Variants in PSTPIP1 observed in about 807,000 individuals in gnomAD.
PSTPIP1 encodes the protein proline-serine-threonine phosphatase-interacting protein 1.
A neutral mutation model predicts 69.6 loss-of-function variants in PSTPIP1; 66 were observed. The observed-to-expected ratio is 0.95, with a 90% CI of 0.78 to 1.16. The LOEUF (loss-of-function observed/expected upper bound fraction) is 1.16. PSTPIP1 is among the 50% of genes most tolerant of loss of function. The pLI, the probability that PSTPIP1 is intolerant of heterozygous loss-of-function variation, is 0.00. For missense variants in PSTPIP1, 603 were observed against 557.4 expected (o/e 1.08, Z -0.82); for synonymous variants, 266 against 222.7 (o/e 1.19, Z -1.73).
At chr15:77,025,229 C>T (rs995118641) in intron 3 of PSTPIP1, 55 bp from the exon 4 acceptor site, 9 of 1,549,068 alleles carry the variant, frequency 5.8e-6, no homozygotes, top group African/African-American at 2.7e-5. Context: ...GCAGCCTGGA[C>T]TGTAGGTTCC....
chr15:77,008,376 G>A (rs546185050), intron 1 of PSTPIP1, among the ~76,000 whole-genome samples: 6 of 152,232 alleles, frequency 3.9e-5, no homozygotes, highest in African/African-American at 1.4e-4. Context: ...AGTCCTCAAG[G>A]GAAGGAGCTT....
rs762386952 is a variant in PSTPIP1 at position 77,035,800 on chromosome 15, A to G, written c.986-2A>G. 3.1e-6 allele frequency: 5 copies of G among 1,605,336 alleles called. No homozygotes were observed. The Admixed American group carries it at 5.0e-5, about 16-fold the overall frequency. The stretch of plus-strand genomic sequence containing the variant: ...GGGGTCTATGTCTCACCCTGCTCTT[A>G]GCGTCCACAGAGACCCTGACCCCCA... On this transcript the variant is annotated splice_acceptor_variant, in intron 13 of 14. Coordinates refer to ENST00000558012, the MANE Select transcript of PSTPIP1 (RefSeq NM_003978.5). LOFTEE classifies it high-confidence loss of function.
chr15:76,998,844 G>A (rs2075637390), intron 1 of PSTPIP1, among the ~76,000 whole-genome samples: 3 of 152,162 alleles, frequency 2.0e-5, no homozygotes, highest in South Asian at 2.1e-4. Context: ...TCAGATGCAC[G>A]CTGCTGTAGG....
chr15:77,036,769 C>T (rs764170867), intron 14 of PSTPIP1, among the ~76,000 whole-genome samples: 7 of 152,112 alleles, frequency 4.6e-5, no homozygotes, highest in African/African-American at 1.4e-4. Context: ...GCACCCGTGA[C>T]CCCTGACATG....
At position 77,032,311 on chromosome 15, in the gene PSTPIP1, T is replaced by C. The variant is rs970904080; in HGVS notation, c.755T>C (p.Val252Ala). The C allele has an allele frequency of 3.1e-6, 5 of 1,612,398 alleles. No homozygotes were observed. Among genetic ancestry groups the C allele is most frequent in the African/African-American group, 2.7e-5 (2 of 74,918 alleles). ...TTCCTGCCCCAGCTCTACGAGGAAG[T>C]GCGGCTGACGCTGGAAGGCTGCAGC... ...CVKDDELYEE[V>A]RLTLEGCSID... Residue 252 changes from valine (V) to alanine (A), a missense_variant, in exon 11 of 15, where the codon GTG becomes GCG. By Grantham distance (64) the Val-to-Ala change is moderately conservative (BLOSUM62 0). Coordinates refer to ENST00000558012, the MANE Select transcript of PSTPIP1 (RefSeq NM_003978.5).
At chr15:77,020,989 G>T (rs2076149199) in intron 3 of PSTPIP1, among the ~76,000 whole-genome samples, 1 of 152,124 alleles carries the variant, frequency 6.6e-6, no homozygotes, top group South Asian at 2.1e-4. Flanking sequence ...CCTCCCTGAG[G>T]CCCACAGCTG....
intron 1 of PSTPIP1, among the ~76,000 whole-genome samples, chr15:77,012,560 T>G (rs1411333226): frequency 6.6e-6 from 1 of 152,156 alleles, no homozygotes; most frequent in African/African-American, 2.4e-5. Flanking sequence ...AAGTTGTACC[T>G]GAGTGTTTGG....
chr15:77,008,474 G>A (rs915141468), intron 1 of PSTPIP1, among the ~76,000 whole-genome samples: 3 of 152,026 alleles, frequency 2.0e-5, no homozygotes, highest in Non-Finnish European at 2.9e-5. Context: ...CAGTGGCACC[G>A]TGTCGGCTCA....
intron 1 of PSTPIP1, among the ~76,000 whole-genome samples, chr15:77,017,137 C>A (rs1008600574): frequency 1.3e-5 from 2 of 152,180 alleles, no homozygotes; most frequent in Admixed American, 6.5e-5. Flanking sequence ...AGTAAGCCTG[C>A]GTGCAGTGCC....
chr15:77,014,618 G>A (rs756923227), intron 1 of PSTPIP1, among the ~76,000 whole-genome samples: 6 of 152,230 alleles, frequency 3.9e-5, no homozygotes, highest in East Asian at 1.9e-4. Flanking sequence ...CTGTGGTCTC[G>A]CCCCTGCAGC....
chr15:76,994,802 T>C (rs899879477), upstream of PSTPIP1: 43 of 1,288,988 alleles, frequency 3.3e-5, no homozygotes, highest in Admixed American at 9.6e-4. Context: ...GAATGACAGA[T>C]GCCCTAGACC....
rs371715620 is a variant in PSTPIP1 at position 77,032,411 on chromosome 15, G to C, written c.838+17G>C. On this transcript the variant is annotated intron_variant, in intron 11 of 14. Transcript: ENST00000558012. ...AGCCCCCCGGTGAGGTCCGGCTTGCGGACAGCGCAGCCTCTAGGTGCATTG... is the reference window on the plus strand; with the variant it reads ...AGCCCCCCGGTGAGGTCCGGCTTGCCGACAGCGCAGCCTCTAGGTGCATTG... The C allele has an allele frequency of 1.9e-6, 3 of 1,611,550 alleles. No homozygotes were observed. The South Asian group carries it at 3.3e-5, about 18-fold the overall frequency.
chr15:77,029,600 G>A (rs756356579), intron 8 of PSTPIP1, 26 bp downstream of exon 8: 6 of 1,559,602 alleles, frequency 3.8e-6, no homozygotes, highest in South Asian at 1.2e-5. Context: ...TGCCCCGTCC[G>A]ACCAGGGCGG....
upstream of PSTPIP1, chr15:76,995,113 G>A: frequency 8.5e-7 from 1 of 1,177,146 alleles, no homozygotes; most frequent in Non-Finnish European, 1.1e-6. Flanking sequence ...GCCTGCCCCG[G>A]GGGAGGTTGC....
At chr15:77,012,743 T>C (rs1178526922) in intron 1 of PSTPIP1, among the ~76,000 whole-genome samples, 1 of 152,322 alleles carries the variant, frequency 6.6e-6, no homozygotes, top group Middle Eastern at 3.4e-3. Flanking sequence ...CAGAGGACTG[T>C]TGTAAGAAGT....
intron 3 of PSTPIP1, among the ~76,000 whole-genome samples, chr15:77,020,495 C>A (rs1390406932): frequency 2.6e-5 from 4 of 152,190 alleles, no homozygotes; most frequent in Admixed American, 6.5e-5. Flanking sequence ...TGAGGCCATG[C>A]AGCTGTTCCT....
At chr15:77,001,405 A>G (rs2075704408) in intron 1 of PSTPIP1, among the ~76,000 whole-genome samples, 1 of 152,186 alleles carries the variant, frequency 6.6e-6, no homozygotes, top group South Asian at 2.1e-4. Flanking sequence ...TGGAAGGGTC[A>G]GGGCCTGTGG....
At chr15:77,016,035 C>T (rs2076044888) in intron 1 of PSTPIP1, 1 of 456,276 alleles carries the variant, frequency 2.2e-6, no homozygotes, top group South Asian at 1.5e-5. Context: ...TGGGGGCCTC[C>T]ATAAGGACAG....
At chr15:77,016,292 C>A (rs2152677550) in intron 1 of PSTPIP1, among the ~76,000 whole-genome samples, 1 of 152,268 alleles carries the variant, frequency 6.6e-6, no homozygotes, top group East Asian at 1.9e-4. Flanking sequence ...TGGTGTCCCT[C>A]CGGGCAGGTG....
Sources: gnomAD v4.1 joint callset for allele counts (sites outside exome capture counted in the v4.1 genomes callset) on GRCh38, gnomAD v4.1.1 for gene constraint, MANE v1.5 for transcripts, NCBI Gene and HGNC (gene_info 2026-07-23, HGNC 2026-07-21) for gene names.